The following TMEM45B variants were observed in gnomAD, a reference collection of about 807,000 sequenced individuals.
The protein encoded by TMEM45B is transmembrane protein 45B.
A neutral mutation model predicts 27.3 loss-of-function variants in TMEM45B; 29 were observed. The ratio of observed to expected loss-of-function variants is 1.06; its 90% CI spans 0.79 to 1.45. The LOEUF (loss-of-function observed/expected upper bound fraction) is 1.45, where lower values mean the gene tolerates loss of function less well. Among genes scored for constraint, TMEM45B ranks in the 40% most tolerant of loss-of-function variants. TMEM45B has a pLI of 0.00. For missense variants in TMEM45B, 348 were observed against 343.9 expected (o/e 1.01, Z -0.09); for synonymous variants, 143 against 134.7 (o/e 1.06, Z -0.43).
At chr11:129,828,261 A>T (rs1231654683) in intron 1 of TMEM45B, 1 of 152,226 alleles carries the variant, frequency 6.6e-6, no homozygotes, top group Non-Finnish European at 1.5e-5. Flanking sequence ...GAGGTAACAG[A>T]ATTCTTTTTC....
chr11:129,844,388 TTAA>T (rs1295025120), intron 1 of TMEM45B, among the ~76,000 whole-genome samples: 1 of 152,196 alleles, frequency 6.6e-6, no homozygotes, highest in African/African-American at 2.4e-5. Context: ...GTGACTATCA[TTAA>T]TAATAATATA....
At chr11:129,858,448 A>C in intron 5 of TMEM45B, 126 bp from the exon 6 acceptor site, 1 of 608,540 alleles carries the variant, frequency 1.6e-6, no homozygotes, top group Non-Finnish European at 2.8e-6. Context: ...GTTTATAGAC[A>C]TGTAATCACA....
chr11:129,846,196 G>A (rs531636018), intron 1 of TMEM45B, among the ~76,000 whole-genome samples: 6 of 152,292 alleles, frequency 3.9e-5, no homozygotes, highest in East Asian at 3.9e-4. Context: ...GGCCAGGTGC[G>A]GTGGCTCACG....
intron 1 of TMEM45B, among the ~76,000 whole-genome samples, chr11:129,845,328 C>A (rs1947745643): frequency 8.9e-6 from 1 of 112,258 alleles, no homozygotes; most frequent in African/African-American, 3.8e-5. Flanking sequence ...GGAAATAGAG[C>A]TATTATAGAT....
At chr11:129,840,325 G>A (rs1947674033) in intron 1 of TMEM45B, among the ~76,000 whole-genome samples, 1 of 152,226 alleles carries the variant, frequency 6.6e-6, no homozygotes, top group Non-Finnish European at 1.5e-5. Flanking sequence ...TAAAAGGGAA[G>A]GGTGGGTCTT....
At chr11:129,852,296 C>T (rs771252658) in intron 1 of TMEM45B, among the ~76,000 whole-genome samples, 179 bp from the exon 2 acceptor site, 3 of 152,164 alleles carry the variant, frequency 2.0e-5, no homozygotes, top group Non-Finnish European at 4.4e-5. Flanking sequence ...GGTTATGCAA[C>T]TCACTTTACA....
At chr11:129,828,589 C>T (rs991874061) in intron 1 of TMEM45B, among the ~76,000 whole-genome samples, 1 of 152,134 alleles carries the variant, frequency 6.6e-6, no homozygotes, top group Non-Finnish European at 1.5e-5. Flanking sequence ...GCTCATAGAA[C>T]GTGAAGAGGT....
At chr11:129,831,939 G>A (rs534643408) in intron 1 of TMEM45B, among the ~76,000 whole-genome samples, 1 of 152,078 alleles carries the variant, frequency 6.6e-6, no homozygotes, top group South Asian at 2.1e-4. Flanking sequence ...ACTGGCGGAT[G>A]CCTGTAATCC....
chr11:129,832,019 C>CCACGCCAT (rs1415058857), intron 1 of TMEM45B, among the ~76,000 whole-genome samples: 7 of 124,378 alleles, frequency 5.6e-5, no homozygotes, highest in Non-Finnish European at 9.5e-5. Flanking sequence ...TGAGCCGAGA[C>CCACGCCAT]CACGCCATTG....
In TMEM45B at chr11:129,855,853, A is replaced by T; in HGVS notation, c.531A>T (p.Arg177=). ...ACCACATTGTGCTGGAACTTTTCCG[A>T]ACCAGTCTCATCATTCTTCAGGGAA... ...FRDHIVLELF[R]TSLIILQGTW... Residue 177 remains arginine, a synonymous_variant, in exon 4 of 6, where the codon CGA becomes CGT. Transcript: ENST00000281441. 1 of 1,614,110 alleles carries T rather than the reference A, an allele frequency of 6.2e-7. No homozygotes were observed.
chr11:129,852,582 C>T lies in TMEM45B; in HGVS notation c.100C>T (p.Arg34Trp), dbSNP rs745957988. 1.2e-5 allele frequency: 20 copies of T among 1,613,792 alleles called. No individual in the cohort carries two copies. Among genetic ancestry groups the T allele is most frequent in the Admixed American group, 8.3e-5 (5 of 59,986 alleles). The change falls in exon 2 of 6, where the codon CGG (arginine) becomes TGG (tryptophan). Residue 34 changes from arginine to tryptophan, a missense_variant. Physicochemically the swap from Arg to Trp is moderately radical, Grantham distance 101 (BLOSUM62 -3). Coordinates refer to ENST00000281441, the MANE Select transcript of TMEM45B (RefSeq NM_138788.5). ...CCCGCTGAAGTACTTTAGCCACACGCGGAAGAACAGCCCACTACATTACTA... is the reference window on the plus strand; with the variant it reads ...CCCGCTGAAGTACTTTAGCCACACGTGGAAGAACAGCCCACTACATTACTA... Reference protein sequence around the residue: ...KYPLKYFSHTRKNSPLHYYQR... With the variant: ...KYPLKYFSHTWKNSPLHYYQR...
chr11:129,834,117 T>G (rs1947587712), intron 1 of TMEM45B, among the ~76,000 whole-genome samples: 2 of 152,120 alleles, frequency 1.3e-5, no homozygotes, highest in African/African-American at 4.8e-5. Flanking sequence ...CTAAATTGCC[T>G]TAAAGAGACT....
At chr11:129,843,092 A>T (rs1188105694) in intron 1 of TMEM45B, among the ~76,000 whole-genome samples, 3 of 152,214 alleles carry the variant, frequency 2.0e-5, no homozygotes, top group Non-Finnish European at 4.4e-5. Context: ...GGCATGCGCC[A>T]CCACGGCTGG....
At chr11:129,858,272 C>T (rs1947958365) in intron 5 of TMEM45B, among the ~76,000 whole-genome samples, 1 of 152,154 alleles carries the variant, frequency 6.6e-6, no homozygotes, top group Non-Finnish European at 1.5e-5. Flanking sequence ...AGAAAGAGTT[C>T]CACACGGACC....
intron 1 of TMEM45B, among the ~76,000 whole-genome samples, chr11:129,817,227 C>T (rs954808607): frequency 5.3e-5 from 8 of 152,236 alleles, no homozygotes; most frequent in African/African-American, 1.7e-4. Flanking sequence ...TCATGAGAGA[C>T]GTGTACTGTT....
At chr11:129,841,592 G>GTTTT (rs567723417) in intron 1 of TMEM45B, among the ~76,000 whole-genome samples, 8 of 124,592 alleles carry the variant, frequency 6.4e-5, no homozygotes, top group South Asian at 2.5e-4. Context: ...TTGTTTTTTT[G>GTTTT]TTTTTTTTTT....
intron 1 of TMEM45B, among the ~76,000 whole-genome samples, chr11:129,822,201 A>G (rs574345828): frequency 6.6e-6 from 1 of 152,236 alleles, no homozygotes; most frequent in South Asian, 2.1e-4. Context: ...AATGGTTTTT[A>G]CAGTATCCTG....
At chr11:129,824,235 T>C (rs1281132149) in intron 1 of TMEM45B, among the ~76,000 whole-genome samples, 1 of 152,180 alleles carries the variant, frequency 6.6e-6, no homozygotes, top group Non-Finnish European at 1.5e-5. Flanking sequence ...GATTACTGTT[T>C]CTCAATCGTC....
chr11:129,822,413 T>C (rs1281293630), intron 1 of TMEM45B, among the ~76,000 whole-genome samples: 1 of 152,188 alleles, frequency 6.6e-6, no homozygotes, highest in African/African-American at 2.4e-5. Context: ...TCTGTGAGCA[T>C]GGCTTGTAGG....
Sources: allele counts gnomAD v4.1 joint callset (sites outside exome capture counted in the v4.1 genomes callset), GRCh38; gene constraint gnomAD v4.1.1; transcripts MANE v1.5; gene names NCBI Gene and HGNC (gene_info 2026-07-23, HGNC 2026-07-21).